The following TMEM182 variants were observed in gnomAD, a reference collection of about 807,000 sequenced individuals.
The protein encoded by TMEM182 is transmembrane protein 182.
In TMEM182, 20 loss-of-function variants were observed where a neutral mutation model predicts 26.8. The ratio of observed to expected loss-of-function variants is 0.75; its 90% CI spans 0.53 to 1.09. TMEM182 has a LOEUF of 1.09. Ranked by LOEUF, TMEM182 falls within the 50% of genes least tolerant of loss-of-function variation. The pLI, the probability that TMEM182 is intolerant of heterozygous loss-of-function variation, is 0.00. For synonymous variants in TMEM182, 109 were observed against 102.2 expected, an observed-to-expected ratio of 1.07 and a Z score of -0.40; for missense variants, 277 against 275.5, an observed-to-expected ratio of 1.01 and a Z score of -0.04.
intron 3 of TMEM182, among the ~76,000 whole-genome samples, chr2:102,771,567 T>C (rs1045419481): frequency 2.6e-5 from 4 of 152,194 alleles, no homozygotes; most frequent in Non-Finnish European, 5.9e-5. Flanking sequence ...TGGCAGTTTA[T>C]GTAATATCCC....
intron 4 of TMEM182, among the ~76,000 whole-genome samples, chr2:102,799,728 G>A (rs992327275): frequency 6.6e-6 from 1 of 152,206 alleles, no homozygotes; most frequent in South Asian, 2.1e-4. Context: ...AACAAGGTAG[G>A]TCCGGTCAAT....
At chr2:102,820,068 CAT>C (rs1360845321), downstream of TMEM182, among the ~76,000 whole-genome samples, 1 of 152,168 alleles carries the variant, frequency 6.6e-6, no homozygotes, top group Non-Finnish European at 1.5e-5. Flanking sequence ...TCTAAAGCCA[CAT>C]GTCTTAGTTG....
intron 1 of TMEM182, among the ~76,000 whole-genome samples, chr2:102,745,656 C>T (rs1397908233): frequency 6.6e-6 from 1 of 152,094 alleles, no homozygotes; most frequent in Non-Finnish European, 1.5e-5. Context: ...TCCCTCTCAG[C>T]CCTAGACAAC....
intron 3 of TMEM182, among the ~76,000 whole-genome samples, chr2:102,768,758 C>T (rs192687119): frequency 3.6e-4 from 55 of 151,930 alleles, no homozygotes; most frequent in Admixed American, 7.9e-4. Flanking sequence ...ACATTGTTTT[C>T]GCCTGCCAGC....
intron 1 of TMEM182, among the ~76,000 whole-genome samples, chr2:102,744,150 A>G (rs1436377725): frequency 6.6e-6 from 1 of 152,188 alleles, no homozygotes; most frequent in African/African-American, 2.4e-5. Context: ...GTCAAAGACC[A>G]CATTCTGGGC....
rs768851431 is a variant in TMEM182, at chr2:102,808,032, C to T, written c.470-6716C>T. Among the ~76,000 whole-genome samples the T allele has an allele frequency of 3.0e-4, 46 of 152,230 alleles. 1 individual carries two copies. The highest frequency in any genetic ancestry group is 9.6e-4 in the East Asian group (5 of 5,186). ...AAAGTCAAATCATCCTAATGGACCC[C>T]GACAGCATTCGTAGCATGAGGGAGC... On this transcript the variant is annotated intron_variant, in intron 4 of 4. Coordinates refer to ENST00000412401, the MANE Select transcript of TMEM182 (RefSeq NM_144632.5).
chr2:102,754,487 A>G (rs1255217334), intron 1 of TMEM182, among the ~76,000 whole-genome samples: 1 of 152,162 alleles, frequency 6.6e-6, no homozygotes, highest in Non-Finnish European at 1.5e-5. Flanking sequence ...GAAAAAAAGA[A>G]TCTACACTAA....
chr2:102,751,723 G>T (rs1280726313), intron 1 of TMEM182, among the ~76,000 whole-genome samples: 4 of 151,982 alleles, frequency 2.6e-5, no homozygotes, highest in African/African-American at 9.7e-5. Context: ...TCACTCTGTT[G>T]CCCAGGCTGG....
At chr2:102,782,716 T>G (rs1325726868) in intron 3 of TMEM182, among the ~76,000 whole-genome samples, 1 of 152,202 alleles carries the variant, frequency 6.6e-6, no homozygotes, top group East Asian at 1.9e-4. Flanking sequence ...TTATGATTCG[T>G]GTTCCTCATG....
chr2:102,831,160 CAA>C (rs955861786), intron 3 of TMEM182, among the ~76,000 whole-genome samples: 11 of 152,182 alleles, frequency 7.2e-5, no homozygotes, highest in Non-Finnish European at 1.5e-4. Flanking sequence ...AGTGCTGCAA[CAA>C]ACATAGGAGT....
rs544615869 is a variant in TMEM182, at chr2:102,745,806, A to C, written c.-83+8793A>C. ...ATCCAGGTTGTAGCATGGATTCCCAATAACGTTCCACTTATGGATATACCA... is the reference window on the plus strand; with the variant it reads ...ATCCAGGTTGTAGCATGGATTCCCACTAACGTTCCACTTATGGATATACCA... On this transcript the variant is annotated intron_variant, in intron 1 of 5. Coordinates refer to the TMEM182 transcript ENST00000409173. Among the ~76,000 whole-genome samples, 9 of 152,310 alleles carry C rather than the reference A, an allele frequency of 5.9e-5. No individual in the cohort carries two copies. In the East Asian group the frequency reaches 1.7e-3, roughly 29 times the overall value.
Position 102,816,891 on chromosome 2 carries a change from G to A in TMEM182, c.*1923G>A. 1.0e-6 allele frequency: 1 copy of A among 985,724 alleles called. No individual in the cohort carries two copies. The highest frequency in any genetic ancestry group is 1.2e-6 in the Non-Finnish European group (1 of 829,882). The allele number at this position is 985,724 out of a possible 1,614,324, so 61.1% of individuals were successfully genotyped here. A position where few individuals can be genotyped will look rare whatever the true frequency, so the allele number is the denominator to read the frequency against. On this transcript the variant is annotated 3_prime_UTR_variant, in exon 5 of 5. Transcript: ENST00000412401. ...TCACATACAAGCTGCTTTCGGCAAA[G>A]GCTTGAATATTTATAAATTTCAGAT...
Position 102,762,696 on chromosome 2 carries a change from A to G in TMEM182, c.232+10A>G, listed in dbSNP as rs562929340. ...TGGAAGTTCTGGTACAGTAAGTACA[A>G]TTTAGCTTTATTTTCCCTCTTGTCT... On this transcript the variant is annotated intron_variant, in intron 2 of 4. Coordinates refer to ENST00000412401, the MANE Select transcript of TMEM182 (RefSeq NM_144632.5). 6.2e-7 allele frequency: 1 copy of G among 1,601,374 alleles called. No homozygotes were observed. Among genetic ancestry groups the G allele is most frequent in the African/African-American group, 1.3e-5 (1 of 74,502 alleles).
rs775651592 is a variant in TMEM182, at chr2:102,816,060, C to A, written c.*1092C>A. ...TTTACAGATCGACTATTTCCTTTAA[C>A]CTCCTAGAAGAAAGTTTTTGTGGGG... On this transcript the variant is annotated 3_prime_UTR_variant, in exon 5 of 5. Coordinates refer to ENST00000412401, the MANE Select transcript of TMEM182 (RefSeq NM_144632.5). 38 of 985,168 alleles carry A rather than the reference C, an allele frequency of 3.9e-5. No homozygotes were observed. The highest frequency in any genetic ancestry group is 4.5e-5 in the Non-Finnish European group (37 of 829,878). The allele number at this position is 985,168 out of a possible 1,614,324, so 61.0% of individuals were successfully genotyped here. A position where few individuals can be genotyped will look rare whatever the true frequency, so the allele number is the denominator to read the frequency against.
chr2:102,752,170 T>C (rs1231776319), intron 1 of TMEM182, among the ~76,000 whole-genome samples: 1 of 152,178 alleles, frequency 6.6e-6, no homozygotes, highest in Non-Finnish European at 1.5e-5. Flanking sequence ...CAGAGTTGTC[T>C]CAATTTCCTC....
intron 1 of TMEM182, among the ~76,000 whole-genome samples, chr2:102,756,041 T>C (rs1049755500): frequency 2.6e-5 from 4 of 152,104 alleles, no homozygotes; most frequent in Non-Finnish European, 4.4e-5. Flanking sequence ...ATCAGGTAGA[T>C]GGAAGAAAAA....
chr2:102,759,766 C>A (rs1024185071), upstream of TMEM182, among the ~76,000 whole-genome samples: 5 of 152,144 alleles, frequency 3.3e-5, no homozygotes, highest in African/African-American at 1.2e-4. Flanking sequence ...CCTGAAGGCT[C>A]AAGGGGAGAA....
At chr2:102,762,870 A>G (rs1381572160) in intron 2 of TMEM182, among the ~76,000 whole-genome samples, 184 bp downstream of exon 2, 2 of 152,180 alleles carry the variant, frequency 1.3e-5, no homozygotes, top group Non-Finnish European at 2.9e-5. Context: ...AGGAATAATT[A>G]TTTTATCTTT....
At chr2:102,793,022 C>T (rs922450405) in intron 3 of TMEM182, among the ~76,000 whole-genome samples, 2 of 152,178 alleles carry the variant, frequency 1.3e-5, no homozygotes, top group Non-Finnish European at 2.9e-5. Flanking sequence ...CTGCTGCTTC[C>T]TCTGCCGTCT....
Sources: allele counts gnomAD v4.1 joint callset (sites outside exome capture counted in the v4.1 genomes callset), GRCh38; gene constraint gnomAD v4.1.1; transcripts MANE v1.5; gene names NCBI Gene and HGNC (gene_info 2026-07-23, HGNC 2026-07-21).